RABEP1: variants seen among roughly 807,000 people sequenced by gnomAD.
RABEP1 encodes the protein rab GTPase-binding effector protein 1.
In RABEP1, 51 loss-of-function variants were observed where a neutral mutation model predicts 123.4. That is an observed-to-expected ratio of 0.41 (90% CI 0.33 to 0.52). RABEP1 has a LOEUF of 0.52. Among genes scored for constraint, RABEP1 ranks in the 20% least tolerant of loss-of-function variants. RABEP1 has a pLI of 0.16. For missense variants in RABEP1, 888 were observed against 996.3 expected, an observed-to-expected ratio of 0.89 and a Z score of 1.46; for synonymous variants, 347 against 355.2, an observed-to-expected ratio of 0.98 and a Z score of 0.26.
chr17:5,289,314 A>G (rs1187680847), intron 1 of RABEP1, among the ~76,000 whole-genome samples: 2 of 151,496 alleles, frequency 1.3e-5, no homozygotes, highest in African/African-American at 4.9e-5. Flanking sequence ...AAATTATATT[A>G]GCCCTTTGGT....
intron 15 of RABEP1, among the ~76,000 whole-genome samples, chr17:5,379,664 G>C (rs1306892004): frequency 6.6e-6 from 1 of 152,138 alleles, no homozygotes; most frequent in Non-Finnish European, 1.5e-5. Flanking sequence ...TTTGAGTTCA[G>C]ACTTCACTCT....
chr17:5,333,736 A>G (rs1397382940), intron 3 of RABEP1, among the ~76,000 whole-genome samples: 4 of 152,186 alleles, frequency 2.6e-5, no homozygotes, highest in East Asian at 1.9e-4. Flanking sequence ...CATGATGTCA[A>G]CAATGCCTCA....
intron 2 of RABEP1, among the ~76,000 whole-genome samples, chr17:5,331,051 TTTTTA>T (rs929765835): frequency 8.2e-5 from 10 of 122,614 alleles, no homozygotes; most frequent in African/African-American, 2.6e-4. Context: ...TTTTTTTTTT[TTTTTA>T]AAGAAACACA....
At chr17:5,336,670 A>G (rs975808149) in intron 4 of RABEP1, 21 of 282,102 alleles carry the variant, frequency 7.4e-5, no homozygotes, top group Non-Finnish European at 1.3e-4. Context: ...TTATATTAAT[A>G]AATAACTTGA....
Position 5,299,731 on chromosome 17 carries a change from C to CTTT in RABEP1, c.35-8949_35-8947dup, listed in dbSNP as rs1171650180. Among the ~76,000 whole-genome samples, 6 of 96,866 alleles carry CTTT rather than the reference C, an allele frequency of 6.2e-5. No homozygotes were observed. In the East Asian group the frequency reaches 1.4e-3, roughly 22 times the overall value. The allele number at this position is 96,866 out of a possible 152,430, so 63.5% of individuals were successfully genotyped here. On this transcript the variant is annotated intron_variant, in intron 1 of 17. Transcript: ENST00000537505. ...CTTTTTTTCTTTTCTTTTTCTTTTT[C>CTTT]TTTTTTTTTTTTTTTTGGAGGCAGA...
chr17:5,369,285 C>A (rs72634030), intron 12 of RABEP1, among the ~76,000 whole-genome samples: 15,007 of 152,116 alleles, frequency 0.099, 1,970 homozygotes, highest in East Asian at 0.63. Flanking sequence ...TGGGCTCCCT[C>A]CTCACTAGTC....
At chr17:5,378,153 T>C (rs1911153743) in intron 14 of RABEP1, 24 bp from the exon 15 acceptor site, 1 of 1,529,176 alleles carries the variant, frequency 6.5e-7, no homozygotes, top group African/African-American at 1.4e-5. Context: ...TGAATGCTAA[T>C]ACATCTCATT....
intron 5 of RABEP1, among the ~76,000 whole-genome samples, chr17:5,341,578 A>G (rs557357751): frequency 3.5e-4 from 53 of 152,346 alleles, no homozygotes; most frequent in African/African-American, 1.2e-3. Context: ...GGAATACAAA[A>G]AGAGAGAAAG....
chr17:5,285,366 T>C (rs1164246300), intron 1 of RABEP1, among the ~76,000 whole-genome samples: 1 of 151,686 alleles, frequency 6.6e-6, no homozygotes, highest in Non-Finnish European at 1.5e-5. Context: ...ACCCCTGGGC[T>C]CAAGTGATTC....
intron 16 of RABEP1, 65 bp downstream of exon 16, chr17:5,380,527 T>A: frequency 1.6e-6 from 2 of 1,288,260 alleles, no homozygotes; most frequent in South Asian, 1.3e-5. Context: ...CACATCTTGC[T>A]TGTTGAAAAA....
rs2144676056 is a variant in RABEP1 at position 5,361,451 on chromosome 17, T to G, written c.1339T>G (p.Ser447Ala). Reference sequence around the variant, plus strand: ...TTTTGGACCACTGGTAGGAGCAGATTCAGTGTCTGAGAACTTTGATACTGC... The same window carrying G: ...TTTTGGACCACTGGTAGGAGCAGATGCAGTGTCTGAGAACTTTGATACTGC... ...SDFGPLVGADSVSENFDTASL... is the reference protein window; with the variant it reads ...SDFGPLVGADAVSENFDTASL... Residue 447 changes from serine to alanine, a missense_variant, in exon 9 of 18, where the codon TCA becomes GCA. By Grantham distance (99) the Ser-to-Ala change is moderately conservative. Transcript: ENST00000537505. 6.2e-7 allele frequency: 1 copy of G among 1,614,170 alleles called. No homozygotes were observed. Among genetic ancestry groups the G allele is most frequent in the East Asian group, 2.2e-5 (1 of 44,882 alleles).
At chr17:5,356,996 G>C (rs1222930304) in intron 8 of RABEP1, among the ~76,000 whole-genome samples, 1 of 151,934 alleles carries the variant, frequency 6.6e-6, no homozygotes, top group African/African-American at 2.4e-5. Flanking sequence ...TCCTGCCTCA[G>C]CCTCCTGAGT....
chr17:5,326,900 C>A (rs1033463500), intron 2 of RABEP1, among the ~76,000 whole-genome samples: 1 of 152,130 alleles, frequency 6.6e-6, no homozygotes, highest in Non-Finnish European at 1.5e-5. Flanking sequence ...TGTGCGAACG[C>A]GGAATGTACT....
chr17:5,345,978 C>T (rs946825045), intron 5 of RABEP1, among the ~76,000 whole-genome samples: 1 of 152,082 alleles, frequency 6.6e-6, no homozygotes, highest in South Asian at 2.1e-4. Context: ...TTGGTTATAA[C>T]TTTCCTATAT....
chr17:5,287,615 A>C lies in RABEP1; in HGVS notation c.34+5095A>C, dbSNP rs1294802734. Among the ~76,000 whole-genome samples, 201 of 151,034 alleles carry C rather than the reference A, an allele frequency of 1.3e-3. 4 individuals carry two copies. The highest frequency in any genetic ancestry group is 3.4e-3 in the Middle Eastern group (1 of 292). Reference sequence around the variant, plus strand: ...CTCTGTCGCAAAAAAAAAAAAAAAAAAAAAAAAACCCAAAACACTGAGCGG... The same window carrying C: ...CTCTGTCGCAAAAAAAAAAAAAAAACAAAAAAAACCCAAAACACTGAGCGG... On this transcript the variant is annotated intron_variant, in intron 1 of 17. Coordinates refer to ENST00000537505, the MANE Select transcript of RABEP1 (RefSeq NM_004703.6).
intron 13 of RABEP1, among the ~76,000 whole-genome samples, chr17:5,375,618 G>T (rs1323955833): frequency 2.6e-5 from 4 of 151,980 alleles, no homozygotes; most frequent in Non-Finnish European, 5.9e-5. Flanking sequence ...GGTGGGAGGG[G>T]TCGCCTGAGC....
At chr17:5,291,710 C>T (rs2075035179) in intron 1 of RABEP1, among the ~76,000 whole-genome samples, 1 of 152,106 alleles carries the variant, frequency 6.6e-6, no homozygotes, top group Admixed American at 6.5e-5. Flanking sequence ...AGTTTGAGGC[C>T]AGCCTGGCCA....
Position 5,282,548 on chromosome 17 carries a change from C to CG in RABEP1, c.34+31dup, listed in dbSNP as rs892079811. The stretch of plus-strand genomic sequence containing the variant: ...GAGGCGCCCACCATGGCAGGCGCGG[C>CG]GGGCGCGGCCTGCCCGGCGTCGGCG... On this transcript the variant is annotated intron_variant, in intron 1 of 17. Coordinates refer to ENST00000537505, the MANE Select transcript of RABEP1 (RefSeq NM_004703.6). The CG allele has an allele frequency of 2.6e-6, 3 of 1,173,710 alleles. No homozygotes were observed. In the Admixed American group the frequency reaches 1.3e-4, roughly 52 times the overall value. The allele number at this position is 1,173,710 out of a possible 1,614,324, so 72.7% of individuals were successfully genotyped here.
rs1908831601 is a variant in RABEP1, at chr17:5,354,383, A to G, written c.988A>G (p.Asn330Asp). ...DQEDDEQQRL[N>D]KRKDHKKADV... ...GGAGGATGATGAACAACAAAGACTC[A>G]ATAAGAGAAAGGATCACAAAAAAGC... Residue 330 changes from asparagine (N) to aspartate (D), a missense_variant, in exon 8 of 18, where the codon AAT becomes GAT. Asn to Asp is a conservative substitution (Grantham distance 23). Transcript: ENST00000537505. The G allele has an allele frequency of 6.2e-7, 1 of 1,612,838 alleles. No individual in the cohort carries two copies. Among genetic ancestry groups the G allele is most frequent in the African/African-American group, 1.3e-5 (1 of 75,012 alleles).
Sources: allele counts gnomAD v4.1 joint callset (sites outside exome capture counted in the v4.1 genomes callset), GRCh38; gene constraint gnomAD v4.1.1; transcripts MANE v1.5; gene names NCBI Gene and HGNC (gene_info 2026-07-23, HGNC 2026-07-21).